LIMA1: variants seen among roughly 807,000 people sequenced by gnomAD.
LIMA1 encodes the protein LIM domain and actin-binding protein 1.
LIMA1 carries 52 observed loss-of-function variants against 62.6 expected under a neutral mutation model. The observed-to-expected ratio is 0.83, with a 90% CI of 0.67 to 1.05. LIMA1 has a LOEUF of 1.05. Ranked by LOEUF, LIMA1 falls within the 50% of genes least tolerant of loss-of-function variation. The pLI is 0.00. For synonymous variants in LIMA1, 302 were observed against 317.8 expected (o/e 0.95, Z 0.53); for missense variants, 780 against 902.2 (o/e 0.86, Z 1.74).
chr12:50,272,309 G>C (rs963005615), intron 1 of LIMA1, among the ~76,000 whole-genome samples: 1 of 151,816 alleles, frequency 6.6e-6, no homozygotes, highest in African/African-American at 2.4e-5. Context: ...AGAGAAGCTG[G>C]CCGGGCACGG....
chr12:50,218,763 T>C (rs1941392222), intron 4 of LIMA1, among the ~76,000 whole-genome samples: 1 of 151,900 alleles, frequency 6.6e-6, no homozygotes, highest in African/African-American at 2.4e-5. Context: ...AAAAATTAGC[T>C]GAGAGTGGTG....
chr12:50,255,271 T>C (rs1941980263), intron 1 of LIMA1, among the ~76,000 whole-genome samples: 1 of 150,790 alleles, frequency 6.6e-6, no homozygotes, highest in South Asian at 2.1e-4. Context: ...GAAGAAAAAA[T>C]GGGCCACATG....
chr12:50,213,252 T>C (rs1221083844), intron 4 of LIMA1, among the ~76,000 whole-genome samples: 1 of 152,232 alleles, frequency 6.6e-6, no homozygotes, highest in East Asian at 1.9e-4. Context: ...GAAGACAGAG[T>C]TAAAGTCTTT....
chr12:50,221,920 G>T, intron 4 of LIMA1, 101 bp downstream of exon 4: 1 of 907,282 alleles, frequency 1.1e-6, no homozygotes, highest in South Asian at 1.6e-5. Flanking sequence ...AAGACATACT[G>T]ACCACATATT....
chr12:50,177,106 T>C lies in LIMA1; in HGVS notation c.2238A>G (p.Ile746Met), dbSNP rs752286695. 2.5e-6 allele frequency: 4 copies of C among 1,602,812 alleles called. No individual in the cohort carries two copies. Among genetic ancestry groups the C allele is most frequent in the Non-Finnish European group, 3.4e-6 (4 of 1,175,834 alleles). Residue 746 changes from isoleucine to methionine, a missense_variant, in exon 11 of 11, where the codon ATA (isoleucine) becomes ATG (methionine). By Grantham distance (10) the Ile-to-Met change is conservative (BLOSUM62 1). Coordinates refer to ENST00000341247, the MANE Select transcript of LIMA1 (RefSeq NM_016357.5). ...CCTCATCATAATACCGATTTCTCTT[T>C]ATCTGTTCTTCCACAGAGAGCTCTT... ...VVKELSVEEQIKRNRYYDEDE... is the reference protein window; with the variant it reads ...VVKELSVEEQMKRNRYYDEDE...
chr12:50,201,271 T>A (rs117100489), intron 6 of LIMA1: 20 of 1,010,748 alleles, frequency 2.0e-5, no homozygotes, highest in Admixed American at 1.1e-4. Flanking sequence ...GGAAAGGAGA[T>A]GCCAAGTGCC....
At chr12:50,278,707 A>C (rs1477232438) in intron 1 of LIMA1, among the ~76,000 whole-genome samples, 1 of 152,204 alleles carries the variant, frequency 6.6e-6, no homozygotes, top group Non-Finnish European at 1.5e-5. Context: ...TGCAACCTCA[A>C]TATAATAAAT....
At chr12:50,246,231 C>CAAAAA (rs923214910) in intron 2 of LIMA1, among the ~76,000 whole-genome samples, 2 of 51,356 alleles carry the variant, frequency 3.9e-5, no homozygotes, top group Non-Finnish European at 8.1e-5. Flanking sequence ...GACTCCATCT[C>CAAAAA]AAAAAAAAAA....
At chr12:50,253,759 C>T (rs191299507) in intron 1 of LIMA1, among the ~76,000 whole-genome samples, 3 of 152,316 alleles carry the variant, frequency 2.0e-5, no homozygotes, top group African/African-American at 7.2e-5. Flanking sequence ...AGCATGGTGG[C>T]TCACGCCTGT....
At position 50,217,858 on chromosome 12, in the gene LIMA1, T is replaced by G. The variant is rs376039541; in HGVS notation, c.630+4163A>C. 8.1e-5 allele frequency: 15 copies of G among 185,624 alleles called. No homozygotes were observed. In the East Asian group the frequency reaches 9.7e-4, roughly 12 times the overall value. The allele number at this position is 185,624 out of a possible 1,614,324, so 11.5% of individuals were successfully genotyped here. On this transcript the variant is annotated intron_variant, in intron 4 of 10. Coordinates refer to ENST00000341247, the MANE Select transcript of LIMA1 (RefSeq NM_016357.5). ...CGCTCACTTCAGAAATATCGCTGAC[T>G]GCCGCAGCCTCTACATTTCAAGCAT...
At chr12:50,207,043 G>A (rs1941166712) in intron 4 of LIMA1, among the ~76,000 whole-genome samples, 1 of 152,020 alleles carries the variant, frequency 6.6e-6, no homozygotes, top group Admixed American at 6.6e-5. Context: ...TCCTGCCTCA[G>A]CCTCCTGAGT....
intron 1 of LIMA1, among the ~76,000 whole-genome samples, chr12:50,269,944 A>AAT (rs1942185689): frequency 6.8e-6 from 1 of 146,352 alleles, no homozygotes; most frequent in East Asian, 2.0e-4. Context: ...AAAAAAAAAA[A>AAT]TTTAAAAAGG....
intron 3 of LIMA1, among the ~76,000 whole-genome samples, chr12:50,228,673 T>C (rs1453278354): frequency 6.6e-6 from 1 of 152,202 alleles, no homozygotes; most frequent in Non-Finnish European, 1.5e-5. Flanking sequence ...GCAGCGGGGA[T>C]CTCTTCCAAT....
chr12:50,197,825 A>G (rs1189333568), intron 7 of LIMA1, among the ~76,000 whole-genome samples: 1 of 150,518 alleles, frequency 6.6e-6, no homozygotes, highest in African/African-American at 2.4e-5. Context: ...TTTTTTTTTA[A>G]CAGTATATAA....
At chr12:50,272,883 T>TA (rs898652257) in intron 1 of LIMA1, among the ~76,000 whole-genome samples, 3 of 149,848 alleles carry the variant, frequency 2.0e-5, no homozygotes, top group East Asian at 2.0e-4. Flanking sequence ...CCTTCTCTAC[T>TA]AAAAAAAATA....
intron 5 of LIMA1, among the ~76,000 whole-genome samples, chr12:50,205,099 G>A (rs1941127122): frequency 6.6e-6 from 1 of 152,002 alleles, no homozygotes; most frequent in Admixed American, 6.6e-5. Context: ...TTGAGACAGG[G>A]TCTCACTCTG....
At chr12:50,242,775 A>G (rs1450866722) in intron 2 of LIMA1, among the ~76,000 whole-genome samples, 1 of 152,170 alleles carries the variant, frequency 6.6e-6, no homozygotes, top group Non-Finnish European at 1.5e-5. Flanking sequence ...TCAAAGCAGG[A>G]TTGCTGGAAT....
At chr12:50,195,763 C>T in intron 8 of LIMA1, 67 bp downstream of exon 8, 1 of 1,474,040 alleles carries the variant, frequency 6.8e-7, no homozygotes, top group Non-Finnish European at 9.2e-7. Flanking sequence ...GTAATGGGAA[C>T]ACCCCTGAAC....
chr12:50,258,321 T>A (rs374926551), intron 1 of LIMA1, among the ~76,000 whole-genome samples: 1 of 148,652 alleles, frequency 6.7e-6, no homozygotes, highest in South Asian at 2.2e-4. Flanking sequence ...TGTGTGTGTG[T>A]GACAGAATCC....
Sources: allele counts gnomAD v4.1 joint callset (sites outside exome capture counted in the v4.1 genomes callset), GRCh38; gene constraint gnomAD v4.1.1; transcripts MANE v1.5; gene names NCBI Gene and HGNC (gene_info 2026-07-23, HGNC 2026-07-21).